Variants in XRRA1 observed in about 807,000 individuals in gnomAD.
XRRA1 encodes the protein X-ray radiation resistance associated 1.
In XRRA1, 69 loss-of-function variants were observed where a neutral mutation model predicts 80.2. That is an observed-to-expected ratio of 0.86 (90% CI 0.71 to 1.05). XRRA1 has a LOEUF of 1.05. XRRA1 is among the 50% of genes least tolerant of loss of function. XRRA1 has a pLI of 0.00. For missense variants in XRRA1, 967 were observed against 976.4 expected (o/e 0.99, Z 0.13); for synonymous variants, 348 against 389.9 (o/e 0.89, Z 1.27).
intron 2 of XRRA1, among the ~76,000 whole-genome samples, chr11:74,942,404 T>C (rs1946505129): frequency 6.6e-6 from 1 of 152,038 alleles, no homozygotes; most frequent in African/African-American, 2.4e-5. Flanking sequence ...AGACGCTTGA[T>C]TGTGAAAGGG....
At chr11:74,847,933 T>C (rs2038724800) in intron 15 of XRRA1, among the ~76,000 whole-genome samples, 182 bp downstream of exon 15, 1 of 152,210 alleles carries the variant, frequency 6.6e-6, no homozygotes, top group Admixed American at 6.5e-5. Context: ...TCCCTATCAG[T>C]GTCCTCAGAC....
At chr11:74,892,849 C>A (rs2051160554) in intron 10 of XRRA1, among the ~76,000 whole-genome samples, 1 of 151,770 alleles carries the variant, frequency 6.6e-6, no homozygotes, top group Admixed American at 6.6e-5. Context: ...ATCAAAACCA[C>A]AATGAGATAC....
At chr11:74,891,438 G>T (rs2050670342) in intron 10 of XRRA1, among the ~76,000 whole-genome samples, 1 of 152,168 alleles carries the variant, frequency 6.6e-6, no homozygotes, top group Non-Finnish European at 1.5e-5. Flanking sequence ...CAAACCCACA[G>T]CCAATATCAT....
chr11:74,847,055 C>T (rs529875397), intron 15 of XRRA1, among the ~76,000 whole-genome samples: 2 of 151,982 alleles, frequency 1.3e-5, no homozygotes, highest in South Asian at 4.2e-4. Context: ...GTTTGAGTGA[C>T]AGAATTACCC....
At chr11:74,846,619 G>A (rs781278350) in intron 15 of XRRA1, among the ~76,000 whole-genome samples, 1 of 151,124 alleles carries the variant, frequency 6.6e-6, no homozygotes, top group Non-Finnish European at 1.5e-5. Flanking sequence ...ATGAAAGGTT[G>A]GTTTAACATC....
intron 12 of XRRA1, among the ~76,000 whole-genome samples, chr11:74,858,404 G>C (rs1315570257): frequency 6.6e-6 from 1 of 152,168 alleles, no homozygotes; most frequent in Non-Finnish European, 1.5e-5. Flanking sequence ...TTGAAATAAA[G>C]ACCTAAATGT....
chr11:74,848,309 C>G lies in XRRA1; in HGVS notation c.1534G>C (p.Glu512Gln). 6.2e-7 allele frequency: 1 copy of G among 1,613,930 alleles called. No homozygotes were observed. Among genetic ancestry groups the G allele is most frequent in the Non-Finnish European group, 8.5e-7 (1 of 1,179,854 alleles). ...CCTTCCAGGTTCTCAGTGGGCATCT[C>G]TGACTCCACAGAAGTGCTTTTGGTA... ...PTTKSTSVES[E>Q]MPTENLEGHS... Residue 512 changes from glutamate to glutamine, a missense_variant, in exon 15 of 19, where the codon GAG becomes CAG. Glu to Gln is a conservative substitution (Grantham distance 29). Transcript: ENST00000684022.
intron 10 of XRRA1, among the ~76,000 whole-genome samples, chr11:74,904,231 T>A (rs1335703877): frequency 1.3e-5 from 2 of 152,182 alleles, no homozygotes; most frequent in Non-Finnish European, 2.9e-5. Context: ...TATTAAAATT[T>A]TCTTATTAAA....
At chr11:74,843,627 A>C (rs693275) in intron 18 of XRRA1, 174 bp from the exon 19 acceptor site, 47,032 of 901,132 alleles carry the variant, frequency 0.052, 1,721 homozygotes, top group East Asian at 0.16. Context: ...TACTGCCCCT[A>C]TGCATTGACT....
At chr11:74,939,473 A>G (rs1363510684) in intron 3 of XRRA1, among the ~76,000 whole-genome samples, 2 of 152,170 alleles carry the variant, frequency 1.3e-5, no homozygotes, top group African/African-American at 2.4e-5. Context: ...TATTTATTTC[A>G]TTGCTCAAAC....
intron 10 of XRRA1, among the ~76,000 whole-genome samples, chr11:74,896,718 G>A (rs952036508): frequency 9.9e-5 from 15 of 152,158 alleles, no homozygotes; most frequent in African/African-American, 3.6e-4. Context: ...GTTTCAGATG[G>A]CTTGGAAAAG....
chr11:74,852,723 C>T (rs2040179620), intron 12 of XRRA1, among the ~76,000 whole-genome samples: 1 of 152,186 alleles, frequency 6.6e-6, no homozygotes. Flanking sequence ...AAGCCAGCCT[C>T]TGAAGGGCAA....
At chr11:74,945,938 C>T (rs578215058) in intron 1 of XRRA1, among the ~76,000 whole-genome samples, 8 of 152,134 alleles carry the variant, frequency 5.3e-5, no homozygotes, top group Admixed American at 1.3e-4. Context: ...GCTGAGCCTC[C>T]TCAAGCCCAC....
chr11:74,843,102 G>A lies in XRRA1; in HGVS notation c.*98C>T, dbSNP rs517666. On this transcript the variant is annotated 3_prime_UTR_variant, in exon 19 of 19. Coordinates refer to ENST00000684022, the MANE Select transcript of XRRA1 (RefSeq NM_001378157.1). ...GGCCCAGCTGAGCTCTGAGGCCTGT[G>A]GCCGGCTGGTCAACCTTGAGGTGCG... is the stretch of plus-strand genomic sequence containing the variant. 0.19 allele frequency: 278,627 copies of A among 1,434,116 alleles called. 29,060 individuals are homozygous for A. Among genetic ancestry groups the A allele is most frequent in the South Asian group, 0.37 (25,782 of 69,582 alleles). 88.8% of individuals were successfully genotyped at this position (1,434,116 alleles called of 1,614,324 possible). A position where few individuals can be genotyped will look rare whatever the true frequency, so the allele number is the denominator to read the frequency against.
intron 8 of XRRA1, among the ~76,000 whole-genome samples, chr11:74,912,308 C>T (rs1055942839): frequency 1.3e-5 from 2 of 152,166 alleles, no homozygotes; most frequent in Admixed American, 1.3e-4. Flanking sequence ...TGGGAACTAA[C>T]AAGCTGTGAA....
At chr11:74,920,246 G>A (rs1281847520) in intron 8 of XRRA1, among the ~76,000 whole-genome samples, 1 of 152,022 alleles carries the variant, frequency 6.6e-6, no homozygotes, top group African/African-American at 2.4e-5. Context: ...ACTTTGAATT[G>A]GACTTCTGTT....
At chr11:74,851,228 A>G (rs779851359) in intron 13 of XRRA1, 25 bp from the exon 14 acceptor site, 5 of 1,568,372 alleles carry the variant, frequency 3.2e-6, no homozygotes, top group Admixed American at 3.6e-5. Context: ...GGAAAATAAG[A>G]TTACTATTAG....
At chr11:74,896,517 G>A (rs756878955) in intron 10 of XRRA1, among the ~76,000 whole-genome samples, 8 of 151,886 alleles carry the variant, frequency 5.3e-5, no homozygotes, top group South Asian at 4.2e-4. Context: ...ATAGAATATC[G>A]TGTAAATTGC....
intron 10 of XRRA1, among the ~76,000 whole-genome samples, chr11:74,901,049 A>G (rs2053491315): frequency 6.6e-6 from 1 of 152,350 alleles, no homozygotes; most frequent in Middle Eastern, 3.4e-3. Context: ...TATATTGGAA[A>G]AACCTAAAGA....
Sources: gnomAD v4.1 joint callset for allele counts (sites outside exome capture counted in the v4.1 genomes callset) on GRCh38, gnomAD v4.1.1 for gene constraint, MANE v1.5 for transcripts, NCBI Gene and HGNC (gene_info 2026-07-23, HGNC 2026-07-21) for gene names.